Variants in CDYL observed in about 807,000 individuals in gnomAD.
The protein encoded by CDYL is chromodomain Y-like protein.
A neutral mutation model predicts 47.3 loss-of-function variants in CDYL; 8 were observed. The observed-to-expected ratio is 0.17, with a 90% CI of 0.10 to 0.31. The LOEUF is 0.31. CDYL is among the 10% of genes least tolerant of loss of function. The probability of loss-of-function intolerance (pLI) is 1.00; values close to 1 mark genes in which losing one functional copy is unlikely to be tolerated. For missense variants in CDYL, 471 were observed against 701.4 expected (o/e 0.67, Z 3.71); for synonymous variants, 266 against 265.0 (o/e 1.00, Z -0.04).
At chr6:4,750,578 G>A (rs969351939) in intron 3 of CDYL, among the ~76,000 whole-genome samples, 7 of 152,214 alleles carry the variant, frequency 4.6e-5, no homozygotes, top group African/African-American at 1.7e-4. Flanking sequence ...GGGGCCAGAG[G>A]ACTGCTGGAG....
intron 2 of CDYL, among the ~76,000 whole-genome samples, chr6:4,898,857 A>G (rs1173276137): frequency 6.6e-6 from 1 of 152,206 alleles, no homozygotes; most frequent in Non-Finnish European, 1.5e-5. Context: ...TTGATGTCGA[A>G]CCAAGGCCCT....
chr6:4,901,301 A>G (rs574780166), intron 2 of CDYL, among the ~76,000 whole-genome samples: 1 of 152,276 alleles, frequency 6.6e-6, no homozygotes, highest in East Asian at 1.9e-4. Context: ...ATGTGCTACT[A>G]GGAATTAAGC....
At chr6:4,826,667 T>A (rs1364771116) in intron 1 of CDYL, among the ~76,000 whole-genome samples, 1 of 152,238 alleles carries the variant, frequency 6.6e-6, no homozygotes, top group Admixed American at 6.5e-5. Context: ...TTTCCCATTT[T>A]TCTTTTGGTG....
intron 1 of CDYL, among the ~76,000 whole-genome samples, chr6:4,826,954 T>C (rs1759997672): frequency 6.6e-6 from 1 of 152,226 alleles, no homozygotes; most frequent in South Asian, 2.1e-4. Context: ...CCCTTCAGCT[T>C]TGTCAATATT....
chr6:4,717,995 G>A (rs1280472941), intron 2 of CDYL, among the ~76,000 whole-genome samples: 3 of 151,904 alleles, frequency 2.0e-5, no homozygotes, highest in African/African-American at 7.3e-5. Context: ...GTAGGCACAT[G>A]CCACCACACC....
intron 3 of CDYL, among the ~76,000 whole-genome samples, chr6:4,742,584 G>A (rs571143600): frequency 6.6e-6 from 1 of 151,406 alleles, no homozygotes; most frequent in East Asian, 1.9e-4. Context: ...AATCCTGCTG[G>A]AAAAGAAAAG....
chr6:4,886,453 T>C (rs1320666715), intron 1 of CDYL, among the ~76,000 whole-genome samples: 1 of 152,234 alleles, frequency 6.6e-6, no homozygotes, highest in Non-Finnish European at 1.5e-5. Context: ...GTGGTTGTGA[T>C]GTGCATTTCC....
intron 1 of CDYL, among the ~76,000 whole-genome samples, chr6:4,780,674 G>A (rs1352105044): frequency 1.3e-5 from 2 of 152,038 alleles, no homozygotes; most frequent in Non-Finnish European, 2.9e-5. Context: ...AATAATTGAG[G>A]CTTAAATGGC....
At chr6:4,902,335 G>T (rs1490607929) in intron 2 of CDYL, among the ~76,000 whole-genome samples, 1 of 151,810 alleles carries the variant, frequency 6.6e-6, no homozygotes, top group Non-Finnish European at 1.5e-5. Context: ...GAACCCGGGA[G>T]GCAGAGGTTG....
At chr6:4,924,219 T>C (rs1450756786) in intron 2 of CDYL, among the ~76,000 whole-genome samples, 1 of 152,224 alleles carries the variant, frequency 6.6e-6, no homozygotes. Context: ...CCTCACTGCT[T>C]TTGGCACTTA....
chr6:4,781,206 T>C (rs1758609780), intron 1 of CDYL, among the ~76,000 whole-genome samples: 1 of 152,204 alleles, frequency 6.6e-6, no homozygotes, highest in South Asian at 2.1e-4. Context: ...CAGGGGAAGG[T>C]AGGTCTTTTG....
chr6:4,781,311 C>T (rs1758613912), intron 1 of CDYL, among the ~76,000 whole-genome samples: 1 of 152,156 alleles, frequency 6.6e-6, no homozygotes. Context: ...TGAATAAAGT[C>T]TCAATCTGTA....
intron 2 of CDYL, among the ~76,000 whole-genome samples, chr6:4,933,249 C>T (rs1758082740): frequency 6.6e-6 from 1 of 152,158 alleles, no homozygotes; most frequent in South Asian, 2.1e-4. Flanking sequence ...TACCTCTCTC[C>T]AACCCTGACT....
In CDYL at chr6:4,722,107, C is replaced by T. The variant is rs1266389770; in HGVS notation, c.103+6226C>T. ...TGACCTTTTGATCCGCATGCCTCAG[C>T]CTCCCAAAGTGTTGGGATTACAGGC... On this transcript the variant is annotated intron_variant, in intron 2 of 8. Coordinates refer to the CDYL transcript ENST00000328908. 5.9e-5 allele frequency among the ~76,000 whole-genome samples: 9 copies of T among 152,296 alleles called. No homozygotes were observed. In the South Asian group the frequency reaches 6.2e-4, roughly 11 times the overall value.
At chr6:4,865,843 C>G (rs756324976) in intron 1 of CDYL, among the ~76,000 whole-genome samples, 2 of 152,202 alleles carry the variant, frequency 1.3e-5, no homozygotes, top group South Asian at 4.1e-4. Flanking sequence ...TAGTCAGTGT[C>G]AGTTGTTGAA....
At chr6:4,824,748 T>G (rs139149431) in intron 1 of CDYL, among the ~76,000 whole-genome samples, 1,728 of 152,338 alleles carry the variant, frequency 0.011, 27 homozygotes, top group African/African-American at 0.04. Flanking sequence ...TTTCTTTTGC[T>G]GTTCATCCTT....
At chr6:4,924,482 AC>A (rs1162293572) in intron 2 of CDYL, among the ~76,000 whole-genome samples, 2 of 151,970 alleles carry the variant, frequency 1.3e-5, no homozygotes, top group Non-Finnish European at 2.9e-5. Flanking sequence ...TGCCTTTTAC[AC>A]CTCCTCTGTT....
chr6:4,867,362 C>T (rs537783629), intron 1 of CDYL, among the ~76,000 whole-genome samples: 1 of 152,222 alleles, frequency 6.6e-6, no homozygotes, highest in Admixed American at 6.5e-5. Context: ...CAAGAATCTG[C>T]AGACTTGCTG....
chr6:4,934,933 G>C (rs1758142493), intron 2 of CDYL, among the ~76,000 whole-genome samples: 1 of 152,152 alleles, frequency 6.6e-6, no homozygotes, highest in African/African-American at 2.4e-5. Flanking sequence ...AGTGGAACTG[G>C]AACAAGTAGA....
Sources: gnomAD v4.1 joint callset for allele counts (sites outside exome capture counted in the v4.1 genomes callset) on GRCh38, gnomAD v4.1.1 for gene constraint, MANE v1.5 for transcripts, NCBI Gene and HGNC (gene_info 2026-07-23, HGNC 2026-07-21) for gene names.